PPP6R1: variants seen among roughly 807,000 people sequenced by gnomAD.
PPP6R1 encodes serine/threonine-protein phosphatase 6 regulatory subunit 1.
A neutral mutation model predicts 104.6 loss-of-function variants in PPP6R1; 39 were observed. The observed-to-expected ratio is 0.37, with a 90% CI of 0.29 to 0.49. The LOEUF (loss-of-function observed/expected upper bound fraction) is 0.49, where lower values mean the gene tolerates loss of function less well. Ranked by LOEUF, PPP6R1 falls within the 20% of genes least tolerant of loss-of-function variation. The probability of loss-of-function intolerance (pLI) is 0.98; values close to 1 mark genes in which losing one functional copy is unlikely to be tolerated. For synonymous variants in PPP6R1, 549 were observed against 479.0 expected (o/e 1.15, Z -1.91); for missense variants, 1,181 against 1,155.8 (o/e 1.02, Z -0.32).
chr19:55,232,358 C>T (rs554121548), intron 17 of PPP6R1, 147 bp from the exon 18 acceptor site: 12 of 1,253,050 alleles, frequency 9.6e-6, no homozygotes, highest in Middle Eastern at 5.6e-4. Context: ...TGGGGTGTGA[C>T]GACACCAGGA....
rs1270008538 is a variant in PPP6R1 at position 55,240,275 on chromosome 19, T to C, written c.1322A>G (p.Glu441Gly). Residue 441 changes from glutamate to glycine, a missense_variant, in exon 11 of 24, where the codon GAG becomes GGG. Around this residue, in one of 2 missense-constraint regions of PPP6R1, gnomAD observed 1,042 missense variants for 955.6 expected, o/e 1.09. Transcript: ENST00000412770. ...KHLLQQCRLV[E>G]RILTSWEEND... The stretch of plus-strand genomic sequence containing the variant: ...CTCCTCCCAGGACGTCAGGATCCGC[T>C]CCACCAGGCGGCACTGCTGCAGCAG... 1 of 1,594,268 alleles carries C rather than the reference T, an allele frequency of 6.3e-7. No homozygotes were observed. Among genetic ancestry groups the C allele is most frequent in the Non-Finnish European group, 8.5e-7 (1 of 1,171,166 alleles).
At chr19:55,252,236 AT>A (rs888104947) in intron 1 of PPP6R1, among the ~76,000 whole-genome samples, 1 of 151,652 alleles carries the variant, frequency 6.6e-6, no homozygotes, top group African/African-American at 2.4e-5. Flanking sequence ...TTTATTTATT[AT>A]TTTTTTTCTT....
chr19:55,245,594 G>A lies in PPP6R1; in HGVS notation c.312C>T (p.Asn104=). 2 of 1,612,890 alleles carry A rather than the reference G, an allele frequency of 1.2e-6. No homozygotes were observed. The highest frequency in any genetic ancestry group is 1.7e-6 in the Non-Finnish European group (2 of 1,179,752). ...DALGADESLL[N]RLYGFLQSTG... is the part of the protein sequence containing the mutation. Reference sequence around the variant, plus strand: ...TGCTCTGCAGGAAGCCGTAGAGCCGGTTCAGAAGGGACTCATCAGCACCCA... The same window carrying A: ...TGCTCTGCAGGAAGCCGTAGAGCCGATTCAGAAGGGACTCATCAGCACCCA... Residue 104 remains asparagine, a synonymous_variant, in exon 3 of 24, where the codon AAC becomes AAT. Coordinates refer to ENST00000412770, the MANE Select transcript of PPP6R1 (RefSeq NM_014931.4). The surrounding 1 kb of genome is among the most constrained non-coding windows in gnomAD (Gnocchi z 6.4).
intron 17 of PPP6R1, 24 bp from the exon 18 acceptor site, chr19:55,232,235 G>A (rs1432462386): frequency 2.0e-6 from 3 of 1,527,342 alleles, no homozygotes; most frequent in Non-Finnish European, 1.8e-6. Flanking sequence ...CACCTCGTCA[G>A]CTAGCTGTGT....
chr19:55,252,960 C>T (rs2122729474), intron 1 of PPP6R1, among the ~76,000 whole-genome samples: 2 of 152,302 alleles, frequency 1.3e-5, no homozygotes, highest in Middle Eastern at 6.8e-3. Context: ...TCAGGCCTTG[C>T]ACTATGTCCC....
intron 1 of PPP6R1, among the ~76,000 whole-genome samples, chr19:55,254,715 C>T (rs1226896304): frequency 6.6e-6 from 1 of 152,170 alleles, no homozygotes; most frequent in African/African-American, 2.4e-5. Flanking sequence ...CTGGCCGGTA[C>T]CCTAGGAAGG....
rs995856163 is a variant in PPP6R1 at position 55,241,373 on chromosome 19, T to C, written c.1027A>G (p.Thr343Ala). The change falls in exon 9 of 24, where the codon ACA becomes GCA. Residue 343 changes from threonine (T) to alanine (A), a missense_variant. Transcript: ENST00000412770. The surrounding 1 kb of genome is among the most constrained non-coding windows in gnomAD (Gnocchi z 5.4). ...AGAGGCGGAGCCAGCATGCCCCATG[T>C]CATCTGTAGCGGCTCCAGCTGCAGA... The part of the protein sequence containing the change: ...EPPKLEPLQM[T>A]WGMLAPPLGN... 6.2e-7 allele frequency: 1 copy of C among 1,610,264 alleles called. No homozygotes were observed. The highest frequency in any genetic ancestry group is 1.3e-5 in the African/African-American group (1 of 74,988).
Position 55,231,448 on chromosome 19 carries a change from G to A in PPP6R1, c.2421C>T (p.Thr807=). ...TGGGGGCAGAACGGATCCCGTGGAA[G>A]GTGGCCTGAAGGTCCCCGATGCTAA... The part of the protein sequence containing the change: ...ALVSIGDLQA[T]FHGIRSAPSS... Residue 807 remains threonine (T), a synonymous_variant, in exon 21 of 24, where the codon ACC becomes ACT. Transcript: ENST00000412770. The A allele has an allele frequency of 2.5e-6, 4 of 1,607,850 alleles. No homozygotes were observed. The highest frequency in any genetic ancestry group is 3.4e-6 in the Non-Finnish European group (4 of 1,177,634).
At chr19:55,229,065 C>T (rs1010601495), downstream of PPP6R1, 18 of 283,648 alleles carry the variant, frequency 6.3e-5, no homozygotes, top group Middle Eastern at 1.1e-3. Flanking sequence ...GTGCAGAATT[C>T]CAACAGCCAC....
Position 55,245,442 on chromosome 19 carries a change from C to G in PPP6R1, c.415-40G>C, listed in dbSNP as rs767988712. 2.5e-6 allele frequency: 4 copies of G among 1,612,170 alleles called. No individual in the cohort carries two copies. Among genetic ancestry groups the G allele is most frequent in the Non-Finnish European group, 3.4e-6 (4 of 1,179,058 alleles). ...GCTGCGTCATGCACAGGGCCTGGCCCAGCCACCACCCCTCAACCCACGGTG... is the reference window on the plus strand; with the variant it reads ...GCTGCGTCATGCACAGGGCCTGGCCGAGCCACCACCCCTCAACCCACGGTG... On this transcript the variant is annotated intron_variant, in intron 3 of 23. Transcript: ENST00000412770. The surrounding 1 kb of genome is among the most constrained non-coding windows in gnomAD (Gnocchi z 6.4).
chr19:55,258,174 G>C (rs1026292417), intron 1 of PPP6R1, among the ~76,000 whole-genome samples: 1 of 152,252 alleles, frequency 6.6e-6, no homozygotes, highest in Non-Finnish European at 1.5e-5. Flanking sequence ...GCTGCAGAGA[G>C]CGAGTGGGAA....
In PPP6R1 at chr19:55,245,724, G is replaced by C. The variant is rs1442974385; in HGVS notation, c.228-46C>G. The stretch of plus-strand genomic sequence containing the variant: ...GGTGGGGGCTCGGGTCGGAGGCCGG[G>C]GGCAGGGGGCGGCAAGGCTCCACCC... On this transcript the variant is annotated intron_variant, in intron 2 of 23. Transcript: ENST00000412770. The surrounding 1 kb of genome is among the most constrained non-coding windows in gnomAD (Gnocchi z 6.4). 1.4e-6 allele frequency: 2 copies of C among 1,455,098 alleles called. No individual in the cohort carries two copies. The highest frequency in any genetic ancestry group is 1.9e-6 in the Non-Finnish European group (2 of 1,064,652). The allele number at this position is 1,455,098 out of a possible 1,614,324, so 90.1% of individuals were successfully genotyped here.
In PPP6R1 at chr19:55,245,036, C is replaced by A; in HGVS notation, c.618+84G>T. 1.3e-6 allele frequency: 2 copies of A among 1,548,660 alleles called. No homozygotes were observed. Among genetic ancestry groups the A allele is most frequent in the Non-Finnish European group, 1.8e-6 (2 of 1,140,722 alleles). ...TACAGGCGTGAGCCACTGCGTCCAGCCCCAATTCCTCTTTTAAAAGTGGGG... is the reference window on the plus strand; with the variant it reads ...TACAGGCGTGAGCCACTGCGTCCAGACCCAATTCCTCTTTTAAAAGTGGGG... On this transcript the variant is annotated intron_variant, in intron 5 of 23. Coordinates refer to ENST00000412770, the MANE Select transcript of PPP6R1 (RefSeq NM_014931.4). The surrounding 1 kb of genome is among the most constrained non-coding windows in gnomAD (Gnocchi z 6.4).
At chr19:55,238,218 C>A (rs79722418) in intron 15 of PPP6R1, among the ~76,000 whole-genome samples, 2,007 of 152,208 alleles carry the variant, frequency 0.013, 39 homozygotes, top group African/African-American at 0.046. Flanking sequence ...ACTTGAGCAT[C>A]TTCTCCAGGG....
In PPP6R1 at chr19:55,236,894, G is replaced by T; in HGVS notation, c.1809+19C>A. On this transcript the variant is annotated intron_variant, in intron 16 of 23. Transcript: ENST00000412770. The stretch of plus-strand genomic sequence containing the variant: ...ACACCCCTCCACCCGCCACAACCAG[G>T]GGACAGGGCAGTACTCACGTTCTCA... 1 of 1,612,794 alleles carries T rather than the reference G, an allele frequency of 6.2e-7. No individual in the cohort carries two copies. The highest frequency in any genetic ancestry group is 8.5e-7 in the Non-Finnish European group (1 of 1,178,762).
rs767544113 is a variant in PPP6R1, at chr19:55,241,443, C to T, written c.1008+34G>A. On this transcript the variant is annotated intron_variant, in intron 8 of 23. Transcript: ENST00000412770. The surrounding 1 kb of genome is among the most constrained non-coding windows in gnomAD (Gnocchi z 5.4). ...CAAGGGCTGCCCTTCCTGCTTCCCC[C>T]GCCTCCCCGAGGACCAGAACCCACA... 1.1e-5 allele frequency: 18 copies of T among 1,595,978 alleles called. No homozygotes were observed. Among genetic ancestry groups the T allele is most frequent in the African/African-American group, 4.0e-5 (3 of 74,556 alleles).
At chr19:55,247,647 G>A (rs939968615) in intron 1 of PPP6R1, among the ~76,000 whole-genome samples, 1 of 152,218 alleles carries the variant, frequency 6.6e-6, no homozygotes, top group Non-Finnish European at 1.5e-5. Context: ...TCCAGCACAC[G>A]GCTGCTGCTT....
intron 10 of PPP6R1, among the ~76,000 whole-genome samples, chr19:55,240,514 T>TACACACACACACACACAC (rs777717878): frequency 1.5e-5 from 2 of 135,932 alleles, no homozygotes; most frequent in East Asian, 2.2e-4. Context: ...ATGTGGTGCA[T>TACACACACACACACACAC]ACACACACAC....
At position 55,241,326 on chromosome 19, in the gene PPP6R1, C is replaced by T. The variant is rs2087455132; in HGVS notation, c.1074G>A (p.Val358=). 26 of 1,611,830 alleles carry T rather than the reference C, an allele frequency of 1.6e-5. No homozygotes were observed. Among genetic ancestry groups the T allele is most frequent in the Non-Finnish European group, 2.0e-5 (24 of 1,179,756 alleles). The change falls in exon 9 of 24, where the codon GTG becomes GTA. Residue 358 remains valine (V), a synonymous_variant. Coordinates refer to ENST00000412770, the MANE Select transcript of PPP6R1 (RefSeq NM_014931.4). The surrounding 1 kb of genome is among the most constrained non-coding windows in gnomAD (Gnocchi z 5.4). ...APPLGNTRLH[V]VKLLASALSA... ...TCAGGGCACTGGCCAGGAGCTTGAC[C>T]ACGTGCAGCCGCGTGTTGCCCAGAG...
Sources: allele counts gnomAD v4.1 joint callset (sites outside exome capture counted in the v4.1 genomes callset), GRCh38; gene constraint gnomAD v4.1.1; regional missense constraint gnomAD v4.1.1; non-coding constraint Gnocchi (gnomAD v3.1); transcripts MANE v1.5; gene names NCBI Gene and HGNC (gene_info 2026-07-23, HGNC 2026-07-21).